Variants in CDC42BPA observed in about 807,000 individuals in gnomAD.
CDC42BPA encodes CDC42 binding protein kinase alpha.
Under a neutral mutation model 223.5 loss-of-function variants are expected in CDC42BPA, and 80 were observed. The ratio of observed to expected loss-of-function variants is 0.36; its 90% confidence interval spans 0.30 to 0.43. The LOEUF (loss-of-function observed/expected upper bound fraction) is 0.43. Among genes scored for constraint, CDC42BPA ranks in the 20% least tolerant of loss-of-function variants. The pLI is 1.00. For missense variants in CDC42BPA, 1,743 were observed against 2,099.9 expected, an observed-to-expected ratio of 0.83 and a Z score of 3.32; for synonymous variants, 694 against 718.6, an observed-to-expected ratio of 0.97 and a Z score of 0.55.
At chr1:227,164,479 A>G (rs1664665774) in intron 5 of CDC42BPA, among the ~76,000 whole-genome samples, 2 of 152,162 alleles carry the variant, frequency 1.3e-5, no homozygotes, top group Non-Finnish European at 2.9e-5. Context: ...ATCTATAGGC[A>G]ACATAGTGAG....
chr1:227,054,272 TA>T (rs1674125938), intron 21 of CDC42BPA, among the ~76,000 whole-genome samples: 1 of 152,210 alleles, frequency 6.6e-6, no homozygotes, highest in African/African-American at 2.4e-5. Context: ...AAAAACTCTT[TA>T]AAAATGGGAA....
chr1:227,182,238 G>C (rs1444858824), intron 5 of CDC42BPA, among the ~76,000 whole-genome samples: 2 of 152,016 alleles, frequency 1.3e-5, no homozygotes, highest in Non-Finnish European at 2.9e-5. Flanking sequence ...CCCATGATTT[G>C]CATAGCATCT....
intron 27 of CDC42BPA, 66 bp from the exon 28 acceptor site, chr1:227,031,580 T>C: frequency 7.6e-7 from 1 of 1,323,798 alleles, no homozygotes; most frequent in Middle Eastern, 2.0e-4. Context: ...GTTTCATGAT[T>C]ATGTTAGTTT....
intron 2 of CDC42BPA, among the ~76,000 whole-genome samples, chr1:227,228,096 C>T (rs1033018877): frequency 6.6e-6 from 1 of 151,492 alleles, no homozygotes; most frequent in African/African-American, 2.4e-5. Flanking sequence ...GGGAACAACA[C>T]ACAGTGAGGC....
Position 227,145,578 on chromosome 1 carries a change from G to A in CDC42BPA, c.1054C>T (p.Arg352Trp), listed in dbSNP as rs971317496. Residue 352 changes from arginine (R) to tryptophan (W), a missense_variant, in exon 8 of 37, where the codon CGG (arginine) becomes TGG (tryptophan). Physicochemically the swap from Arg to Trp is moderately radical, Grantham distance 101. Transcript: ENST00000366766. ...GGAATATAAGGTGCTTCACAGTTCC[G>A]AATATTATCCCAATCAATTCCACTG... ...FFSGIDWDNI[R>W]NCEAPYIPEV... 1.2e-6 allele frequency: 2 copies of A among 1,613,474 alleles called. No homozygotes were observed. Among genetic ancestry groups the A allele is most frequent in the Non-Finnish European group, 1.7e-6 (2 of 1,179,586 alleles).
intron 2 of CDC42BPA, among the ~76,000 whole-genome samples, chr1:227,218,865 T>A (rs1461572225): frequency 2.0e-5 from 3 of 152,204 alleles, no homozygotes; most frequent in African/African-American, 7.2e-5. Context: ...TTATCTTTAA[T>A]AAGCAAACTA....
At chr1:227,119,659 A>C (rs1358874431) in intron 12 of CDC42BPA, 145 bp downstream of exon 12, 1 of 515,690 alleles carries the variant, frequency 1.9e-6, no homozygotes, top group Admixed American at 4.3e-5. Flanking sequence ...ACATACACCA[A>C]AATAATCCTA....
intron 13 of CDC42BPA, 55 bp from the exon 14 acceptor site, chr1:227,112,477 A>C: frequency 7.5e-7 from 1 of 1,333,204 alleles, no homozygotes; most frequent in Non-Finnish European, 1.0e-6. Context: ...TTTCCAAACA[A>C]AACATTTATC....
intron 1 of CDC42BPA, among the ~76,000 whole-genome samples, chr1:227,259,401 G>A (rs1366111574): frequency 6.6e-6 from 1 of 150,934 alleles, no homozygotes. Context: ...TAATGAAAGA[G>A]AAAAACAAAG....
chr1:227,005,023 G>A lies in CDC42BPA; in HGVS notation c.4946C>T (p.Ser1649Phe). Residue 1649 changes from serine to phenylalanine, a missense_variant, in exon 35 of 37, where the codon TCC becomes TTC. By Grantham distance (155) the Ser-to-Phe change is radical. This residue lies in a region of CDC42BPA where 200 missense variants were observed against 192.8 expected (regional missense o/e 1.04). Coordinates refer to ENST00000366766, the MANE Select transcript of CDC42BPA (RefSeq NM_001394014.1). ...TGACAAGCCACTGCTAGCACTCATG[G>A]AGCGGCCTGGCTCAGGGCGGGATTT... is the stretch of plus-strand genomic sequence containing the variant. Reference protein sequence around the residue: ...ITKSRPEPGRSMSASSGLSAR... With the variant: ...ITKSRPEPGRFMSASSGLSAR... 1 of 1,614,038 alleles carries A rather than the reference G, an allele frequency of 6.2e-7. No homozygotes were observed. Among genetic ancestry groups the A allele is most frequent in the Non-Finnish European group, 8.5e-7 (1 of 1,179,882 alleles).
At chr1:227,017,746 G>T (rs1023935101) in intron 32 of CDC42BPA, among the ~76,000 whole-genome samples, 3 of 152,000 alleles carry the variant, frequency 2.0e-5, no homozygotes, top group Admixed American at 1.3e-4. Flanking sequence ...GTCTGCCAGG[G>T]ACTCCCAAAA....
intron 1 of CDC42BPA, among the ~76,000 whole-genome samples, chr1:227,266,362 T>A (rs1235268684): frequency 6.6e-6 from 1 of 152,188 alleles, no homozygotes; most frequent in African/African-American, 2.4e-5. Context: ...TTTTAGGAGC[T>A]GTCTTGCAAC....
At chr1:227,078,596 A>G (rs992812305) in intron 17 of CDC42BPA, among the ~76,000 whole-genome samples, 1 of 152,066 alleles carries the variant, frequency 6.6e-6, no homozygotes, top group African/African-American at 2.4e-5. Flanking sequence ...CGGCGGTGAG[A>G]AGATGTCCTT....
rs1481737944 is a variant in CDC42BPA, at chr1:226,990,214, AATGAT to A, written c.*4049_*4053del. 1 of 152,242 alleles carries A rather than the reference AATGAT, an allele frequency of 6.6e-6. No homozygotes were observed. Among genetic ancestry groups the A allele is most frequent in the Non-Finnish European group, 1.5e-5 (1 of 68,052 alleles). The allele number at this position is 152,242 out of a possible 1,614,324, so 9.4% of individuals were successfully genotyped here. A position where few individuals can be genotyped will look rare whatever the true frequency, so the allele number is the denominator to read the frequency against. Reference sequence around the variant, plus strand: ...AAAACCCTAAAAAATTTATAAAATGAATGATATTACACTATCAAATAAAAAGACAA... The same window carrying A: ...AAAACCCTAAAAAATTTATAAAATGAATTACACTATCAAATAAAAAGACAA... On this transcript the variant is annotated 3_prime_UTR_variant, in exon 37 of 37. Coordinates refer to ENST00000366766, the MANE Select transcript of CDC42BPA (RefSeq NM_001394014.1).
At position 227,043,398 on chromosome 1, in the gene CDC42BPA, C is replaced by T. The variant is rs188864455; in HGVS notation, c.3094-3162G>A. On this transcript the variant is annotated intron_variant, in intron 23 of 36. Coordinates refer to ENST00000366766, the MANE Select transcript of CDC42BPA (RefSeq NM_001394014.1). Reference sequence around the variant, plus strand: ...ACTGCACTCCGGCCTGGCGACAAAACGAGACTTCGTCTCAAAAAAAAAAAA... The same window carrying T: ...ACTGCACTCCGGCCTGGCGACAAAATGAGACTTCGTCTCAAAAAAAAAAAA... Among the ~76,000 whole-genome samples the T allele has an allele frequency of 7.6e-3, 1,052 of 138,832 alleles. 1 individual carries two copies. The highest frequency in any genetic ancestry group is 0.017 in the Middle Eastern group (4 of 236). The allele number at this position is 138,832 out of a possible 152,430, so 91.1% of individuals were successfully genotyped here. A position where few individuals can be genotyped will look rare whatever the true frequency, so the allele number is the denominator to read the frequency against.
intron 23 of CDC42BPA, among the ~76,000 whole-genome samples, chr1:227,044,942 G>A (rs909580238): frequency 1.3e-5 from 2 of 152,098 alleles, no homozygotes; most frequent in African/African-American, 2.4e-5. Flanking sequence ...CTAAGGAACT[G>A]TAAAATCCCC....
chr1:227,300,365 CAT>C (rs1448594071), intron 1 of CDC42BPA, among the ~76,000 whole-genome samples: 10 of 152,250 alleles, frequency 6.6e-5, no homozygotes, highest in Admixed American at 5.2e-4. Context: ...CACCTGCACA[CAT>C]ATGTTTATTG....
intron 14 of CDC42BPA, among the ~76,000 whole-genome samples, chr1:227,105,053 TATC>T (rs1197152431): frequency 1.3e-5 from 2 of 152,206 alleles, no homozygotes; most frequent in African/African-American, 2.4e-5. Flanking sequence ...GTGATTCACA[TATC>T]ATACAAATCA....
chr1:227,069,340 A>G (rs1243509860), intron 21 of CDC42BPA: 1 of 153,042 alleles, frequency 6.5e-6, no homozygotes, highest in Non-Finnish European at 1.5e-5. Flanking sequence ...CCTTTTAACA[A>G]AAGCACTTCT....
Sources: allele counts gnomAD v4.1 joint callset (sites outside exome capture counted in the v4.1 genomes callset), GRCh38; gene constraint gnomAD v4.1.1; regional missense constraint gnomAD v4.1.1; transcripts MANE v1.5; gene names NCBI Gene and HGNC (gene_info 2026-07-23, HGNC 2026-07-21).